The following CHD7 variants were observed in gnomAD, a reference collection of about 807,000 sequenced individuals.
CHD7 encodes the protein ATP-dependent chromatin remodeler CHD7.
In CHD7, 24 loss-of-function variants were observed where a neutral mutation model predicts 307.3. The observed-to-expected ratio is 0.08, with a 90% CI of 0.06 to 0.11. CHD7 has a LOEUF of 0.11. Among genes scored for constraint, CHD7 ranks in the 10% least tolerant of loss-of-function variants. The pLI, the probability that CHD7 is intolerant of heterozygous loss-of-function variation, is 1.00. For missense variants in CHD7, 3,106 were observed against 3,727.1 expected (o/e 0.83, Z 4.34); for synonymous variants, 1,363 against 1,349.9 (o/e 1.01, Z -0.21).
chr8:60,865,826 G>T lies in CHD7; in HGVS notation c.8887G>T (p.Asp2963Tyr), dbSNP rs1047837258. ...AGGCAGCGATGCCGAGGAGAGCCTG[G>T]ATAAGACTGCAGAGTCCTCCCTCTT... is the stretch of plus-strand genomic sequence containing the variant. ...LEGSDAEESL[D>Y]KTAESSLLED... Residue 2963 changes from aspartate to tyrosine, a missense_variant, in exon 38 of 38, where the codon GAT becomes TAT. Transcript: ENST00000423902. The surrounding 1 kb of genome is among the most constrained non-coding windows in gnomAD (Gnocchi z 4.3). The T allele has an allele frequency of 1.2e-6, 2 of 1,613,888 alleles. No homozygotes were observed. Among genetic ancestry groups the T allele is most frequent in the Non-Finnish European group, 1.7e-6 (2 of 1,179,826 alleles).
intron 2 of CHD7, among the ~76,000 whole-genome samples, chr8:60,755,875 G>A (rs926961511): frequency 6.6e-5 from 10 of 152,100 alleles, no homozygotes; most frequent in African/African-American, 1.2e-4. Flanking sequence ...AAGGTTTGCC[G>A]TGTTCTTTGA....
intron 2 of CHD7, among the ~76,000 whole-genome samples, chr8:60,765,010 A>T (rs1810397361): frequency 6.6e-6 from 1 of 152,212 alleles, no homozygotes. Context: ...CAGCTGCTTT[A>T]AGGTGTAAAT....
At position 60,852,493 on chromosome 8, in the gene CHD7, A is replaced by G; in HGVS notation, c.5895-5A>G. The G allele has an allele frequency of 6.2e-7, 1 of 1,610,836 alleles. No homozygotes were observed. ...TGATGCAAGCTAATATAATCTTTCT[A>G]ACAGGTGGACAAGAAGAGAAGAGGC... On this transcript the variant is annotated splice_polypyrimidine_tract_variant and splice_region_variant and intron_variant, in intron 29 of 37. Coordinates refer to ENST00000423902, the MANE Select transcript of CHD7 (RefSeq NM_017780.4).
chr8:60,695,663 G>A (rs1301822742), intron 1 of CHD7, among the ~76,000 whole-genome samples: 1 of 152,226 alleles, frequency 6.6e-6, no homozygotes, highest in African/African-American at 2.4e-5. Context: ...AGCAATTGCA[G>A]TCTGAAAGAA....
chr8:60,743,195 T>C, intron 2 of CHD7, 98 bp downstream of exon 2: 1 of 1,030,414 alleles, frequency 9.7e-7, no homozygotes, highest in Non-Finnish European at 1.5e-6. Context: ...GAAAAGCTTT[T>C]TCATTATGAG....
intron 36 of CHD7, 23 bp from the exon 37 acceptor site, chr8:60,862,525 A>G (rs1238923555): frequency 1.3e-6 from 2 of 1,549,978 alleles, no homozygotes; most frequent in Admixed American, 1.9e-5. Flanking sequence ...GTTTTTAATC[A>G]TTTGTCAAAT....
intron 2 of CHD7, among the ~76,000 whole-genome samples, chr8:60,766,387 G>C (rs1436872369): frequency 6.6e-6 from 1 of 152,256 alleles, no homozygotes; most frequent in African/African-American, 2.4e-5. Flanking sequence ...AGATTTTTCT[G>C]TGAGGGAGAT....
At chr8:60,820,172 C>T (rs1384018771) in intron 9 of CHD7, 82 bp downstream of exon 9, 3 of 858,726 alleles carry the variant, frequency 3.5e-6, no homozygotes, top group African/African-American at 3.4e-5. Flanking sequence ...GAATCCTAGA[C>T]CTGGTCTTGG....
chr8:60,710,871 A>G (rs1807253753), intron 1 of CHD7, among the ~76,000 whole-genome samples: 2 of 152,254 alleles, frequency 1.3e-5, no homozygotes, highest in African/African-American at 2.4e-5. Context: ...TATCTGCACA[A>G]GATCACCTAG....
intron 1 of CHD7, among the ~76,000 whole-genome samples, chr8:60,704,612 G>GT (rs1242429550): frequency 1.3e-5 from 2 of 151,260 alleles, no homozygotes; most frequent in African/African-American, 4.9e-5. Flanking sequence ...GTGAGAGGTG[G>GT]TAGTGATTTG....
rs984176767 is a variant in CHD7, at chr8:60,841,961, C to T, written c.4759C>T (p.Pro1587Ser). ...SDLESDSEEK[P>S]CAKPRRPQDK... ...CTTGGAAAGTGATTCTGAAGAAAAG[C>T]CCTGTGCAAAGCCACGGCGTCCCCA... Residue 1587 changes from proline (P) to serine (S), a missense_variant, in exon 21 of 38, where the codon CCC becomes TCC. Coordinates refer to ENST00000423902, the MANE Select transcript of CHD7 (RefSeq NM_017780.4). 2 of 1,613,246 alleles carry T rather than the reference C, an allele frequency of 1.2e-6. No individual in the cohort carries two copies. The highest frequency in any genetic ancestry group is 1.7e-6 in the Non-Finnish European group (2 of 1,179,574).
chr8:60,836,508 T>C (rs1804746706), intron 16 of CHD7, among the ~76,000 whole-genome samples: 1 of 152,230 alleles, frequency 6.6e-6, no homozygotes, highest in Non-Finnish European at 1.5e-5. Context: ...CCATTGCCTT[T>C]ATTTGAGTAG....
chr8:60,828,911 C>A, intron 14 of CHD7, 105 bp downstream of exon 14: 1 of 1,030,818 alleles, frequency 9.7e-7, no homozygotes, highest in Middle Eastern at 2.4e-4. Flanking sequence ...TACAGTTTTT[C>A]CCACCTAGTA....
At chr8:60,813,548 T>C (rs1047171314) in intron 7 of CHD7, among the ~76,000 whole-genome samples, 5 of 152,190 alleles carry the variant, frequency 3.3e-5, no homozygotes, top group South Asian at 2.1e-4. Flanking sequence ...TCTTCAAATA[T>C]GTGTTAACAA....
chr8:60,815,966 T>G (rs1024374142), intron 7 of CHD7, among the ~76,000 whole-genome samples: 4 of 152,216 alleles, frequency 2.6e-5, no homozygotes, highest in African/African-American at 9.7e-5. Flanking sequence ...TATTTCTCAA[T>G]GATAAGAGGT....
intron 2 of CHD7, among the ~76,000 whole-genome samples, chr8:60,776,714 T>C (rs1810971770): frequency 6.6e-6 from 1 of 152,216 alleles, no homozygotes; most frequent in Non-Finnish European, 1.5e-5. Context: ...TGTTATAATC[T>C]CAATAGGACT....
At chr8:60,684,215 T>G (rs1326337406) in intron 1 of CHD7, among the ~76,000 whole-genome samples, 2 of 152,224 alleles carry the variant, frequency 1.3e-5, no homozygotes, top group Non-Finnish European at 2.9e-5. Flanking sequence ...CAGGCTTGTT[T>G]ACCTATGCTA....
intron 1 of CHD7, among the ~76,000 whole-genome samples, chr8:60,717,455 G>C (rs895999331): frequency 2.6e-5 from 4 of 152,156 alleles, no homozygotes; most frequent in Admixed American, 2.0e-4. Flanking sequence ...CTTGATATAG[G>C]TCAGGCCTTG....
intron 6 of CHD7, among the ~76,000 whole-genome samples, chr8:60,805,951 A>G (rs957956182): frequency 6.6e-5 from 10 of 152,242 alleles, no homozygotes; most frequent in African/African-American, 2.2e-4. Context: ...GAATTTCATG[A>G]TAATGCTGTG....
Sources: gnomAD v4.1 joint callset for allele counts (sites outside exome capture counted in the v4.1 genomes callset) on GRCh38, gnomAD v4.1.1 for gene constraint, Gnocchi (gnomAD v3.1) non-coding constraint, MANE v1.5 for transcripts, NCBI Gene and HGNC (gene_info 2026-07-23, HGNC 2026-07-21) for gene names.